The following RELCH variants were observed in gnomAD, a reference collection of about 807,000 sequenced individuals.
RELCH encodes RAB11-binding protein RELCH.
RELCH carries 41 observed loss-of-function variants against 150.3 expected under a neutral mutation model. The ratio of observed to expected loss-of-function variants is 0.27; its 90% CI spans 0.21 to 0.35. RELCH has a LOEUF of 0.35. Ranked by LOEUF, RELCH falls within the 10% of genes least tolerant of loss-of-function variation. RELCH has a pLI of 1.00. For synonymous variants in RELCH, 478 were observed against 531.8 expected (o/e 0.90, Z 1.39); for missense variants, 1,092 against 1,467.8 (o/e 0.74, Z 4.18).
In RELCH at chr18:62,309,849, G is replaced by A. The variant is rs529672955; in HGVS notation, c.*4315G>A. ...GTAAAATATATGTAGTTTATAAACT[G>A]GTATTTTGTGTTGTGTGTTATGTAT... On this transcript the variant is annotated 3_prime_UTR_variant, in exon 29 of 29. Coordinates refer to ENST00000644646, the MANE Select transcript of RELCH (RefSeq NM_001346231.2). The A allele has an allele frequency of 3.9e-5, 6 of 152,224 alleles. No individual in the cohort carries two copies. In the East Asian group the frequency reaches 1.2e-3, roughly 29 times the overall value. The allele number at this position is 152,224 out of a possible 1,614,324, so 9.4% of individuals were successfully genotyped here.
chr18:62,210,823 A>C (rs1303966343), intron 1 of RELCH, among the ~76,000 whole-genome samples: 2 of 152,152 alleles, frequency 1.3e-5, no homozygotes, highest in African/African-American at 2.4e-5. Context: ...CTGTTCTTTC[A>C]GTAGGCACTT....
At chr18:62,200,636 G>A (rs1427321242) in intron 1 of RELCH, among the ~76,000 whole-genome samples, 3 of 151,050 alleles carry the variant, frequency 2.0e-5, no homozygotes, top group African/African-American at 4.9e-5. Flanking sequence ...CTATTCTGGT[G>A]TATCATGTGT....
Position 62,224,161 on chromosome 18 carries a change from C to T in RELCH, c.858+2664C>T, listed in dbSNP as rs112542196. 6.3e-3 allele frequency among the ~76,000 whole-genome samples: 959 copies of T among 152,148 alleles called. 5 individuals carry two copies. The highest frequency in any genetic ancestry group is 9.3e-3 in the Non-Finnish European group (635 of 67,980). On this transcript the variant is annotated intron_variant, in intron 5 of 28. Transcript: ENST00000644646. ...AGGCCCTGGTGTGTGATGTTCCTCA[C>T]CATGTGTCCAAGTGATCTAATTGTT...
At chr18:62,211,774 T>C (rs972958764) in intron 2 of RELCH, among the ~76,000 whole-genome samples, 2 of 147,694 alleles carry the variant, frequency 1.4e-5, no homozygotes, top group African/African-American at 5.3e-5. Flanking sequence ...TAAAAAAAAA[T>C]AAATAAGCAA....
At chr18:62,199,269 G>A (rs189571891) in intron 1 of RELCH, among the ~76,000 whole-genome samples, 2 of 151,710 alleles carry the variant, frequency 1.3e-5, no homozygotes, top group Admixed American at 6.6e-5. Context: ...TTTTTTGGCT[G>A]TTCCACTTAT....
intron 26 of RELCH, among the ~76,000 whole-genome samples, chr18:62,289,712 C>T (rs2045012078): frequency 6.6e-6 from 1 of 152,210 alleles, no homozygotes; most frequent in African/African-American, 2.4e-5. Flanking sequence ...CAGTCAGAGG[C>T]TAACCATCAT....
chr18:62,237,439 C>T (rs2041932131), intron 10 of RELCH, among the ~76,000 whole-genome samples: 1 of 151,726 alleles, frequency 6.6e-6, no homozygotes, highest in South Asian at 2.1e-4. Flanking sequence ...ATACTTTGTG[C>T]ATGTATAAAT....
chr18:62,300,483 G>C (rs950611443), intron 28 of RELCH: 2 of 152,160 alleles, frequency 1.3e-5, no homozygotes, highest in African/African-American at 2.4e-5. Context: ...GAAAGGAACT[G>C]CTTCTAAGAT....
At chr18:62,205,851 C>T (rs985548822) in intron 1 of RELCH, among the ~76,000 whole-genome samples, 1 of 151,446 alleles carries the variant, frequency 6.6e-6, no homozygotes, top group Non-Finnish European at 1.5e-5. Context: ...ATGGCAAGAC[C>T]CTGTCTCCAT....
In RELCH at chr18:62,227,257, A is replaced by G. The variant is rs770481999; in HGVS notation, c.859-32A>G. On this transcript the variant is annotated intron_variant, in intron 5 of 28. Coordinates refer to ENST00000644646, the MANE Select transcript of RELCH (RefSeq NM_001346231.2). ...AAAAATGTAAGATAAAATTTCCTCGAAGATTTTTTATGTTTTTTTTTTATC... is the reference window on the plus strand; with the variant it reads ...AAAAATGTAAGATAAAATTTCCTCGGAGATTTTTTATGTTTTTTTTTTATC... The G allele has an allele frequency of 2.5e-5, 36 of 1,412,366 alleles. No homozygotes were observed. In the African/African-American group the frequency reaches 4.8e-4, roughly 19 times the overall value. 87.5% of individuals were successfully genotyped at this position (1,412,366 alleles called of 1,614,324 possible). A position where few individuals can be genotyped will look rare whatever the true frequency, so the allele number is the denominator to read the frequency against.
intron 10 of RELCH, 132 bp downstream of exon 10, chr18:62,232,559 A>G: frequency 3.3e-6 from 2 of 612,026 alleles, no homozygotes; most frequent in Non-Finnish European, 5.9e-6. Context: ...ACTTTTGTGC[A>G]TGCATCTCTG....
Position 62,274,077 on chromosome 18 carries a change from T to C in RELCH, c.2858T>C (p.Val953Ala). The change falls in exon 21 of 29, where the codon GTG (valine) becomes GCG (alanine). Residue 953 changes from valine to alanine, a missense_variant. Physicochemically the swap from Val to Ala is moderately conservative, Grantham distance 64. Transcript: ENST00000644646. ...APLDSLKASF[V>A]ELGANPAYHE... ...CTTGATAGCCTGAAGGCTTCTTTTG[T>C]GGAATTGGGGTAAGAAATAACAGCT... The C allele has an allele frequency of 9.3e-6, 15 of 1,606,496 alleles. No individual in the cohort carries two copies. The highest frequency in any genetic ancestry group is 1.3e-5 in the Non-Finnish European group (15 of 1,173,566).
intron 10 of RELCH, among the ~76,000 whole-genome samples, chr18:62,236,765 T>A (rs533146071): frequency 6.6e-6 from 1 of 151,994 alleles, no homozygotes; most frequent in South Asian, 2.1e-4. Context: ...AAAACCAACT[T>A]TTGTTTTGTT....
At chr18:62,244,931 C>T (rs1289148936) in intron 11 of RELCH, 55 bp downstream of exon 11, 1 of 1,137,544 alleles carries the variant, frequency 8.8e-7, no homozygotes. Context: ...CTGATTTTAA[C>T]TAATTAGGCA....
At chr18:62,291,714 T>C (rs185537434) in intron 27 of RELCH, 83 bp downstream of exon 27, 11 of 856,528 alleles carry the variant, frequency 1.3e-5, no homozygotes, top group Non-Finnish European at 2.0e-5. Context: ...GTGAGGCTTA[T>C]GATATGCTGT....
intron 1 of RELCH, among the ~76,000 whole-genome samples, chr18:62,195,045 G>C (rs2038925764): frequency 6.6e-6 from 1 of 151,868 alleles, no homozygotes; most frequent in Non-Finnish European, 1.5e-5. Flanking sequence ...TTGATTATAA[G>C]AATAATCCAT....
intron 28 of RELCH, among the ~76,000 whole-genome samples, chr18:62,301,694 G>A (rs1439191324): frequency 6.6e-6 from 1 of 152,108 alleles, no homozygotes; most frequent in Admixed American, 6.6e-5. Flanking sequence ...TAATGCTGCA[G>A]GTCTAGGAAC....
chr18:62,253,369 T>G (rs1296577185), intron 12 of RELCH, among the ~76,000 whole-genome samples: 1 of 151,956 alleles, frequency 6.6e-6, no homozygotes, highest in African/African-American at 2.4e-5. Context: ...GGTGTAAATC[T>G]TTGATGTGGG....
chr18:62,310,103 C>T lies in RELCH; in HGVS notation c.*4569C>T, dbSNP rs1222117480. The T allele has an allele frequency of 1.3e-5, 2 of 152,048 alleles. No homozygotes were observed. The allele number at this position is 152,048 out of a possible 1,614,324, so 9.4% of individuals were successfully genotyped here. A position where few individuals can be genotyped will look rare whatever the true frequency, so the allele number is the denominator to read the frequency against. ...GAGTAATATAAATATAATAATTTCT[C>T]ATTGACTTTATGATTTCATAGATGC... On this transcript the variant is annotated 3_prime_UTR_variant, in exon 29 of 29. Transcript: ENST00000644646.
Sources: gnomAD v4.1 joint callset for allele counts (sites outside exome capture counted in the v4.1 genomes callset) on GRCh38, gnomAD v4.1.1 for gene constraint, MANE v1.5 for transcripts, NCBI Gene and HGNC (gene_info 2026-07-23, HGNC 2026-07-21) for gene names.